The following ARMC3 variants were observed in gnomAD, a reference collection of about 807,000 sequenced individuals.
ARMC3 encodes armadillo repeat-containing protein 3.
In ARMC3, 74 loss-of-function variants were observed where a neutral mutation model predicts 90.3. That is an observed-to-expected ratio of 0.82 (90% CI 0.68 to 0.99). The LOEUF is 0.99. Ranked by LOEUF, ARMC3 falls within the 50% of genes least tolerant of loss-of-function variation. The pLI is 0.00. For synonymous variants in ARMC3, 334 were observed against 361.8 expected (o/e 0.92, Z 0.87); for missense variants, 958 against 1,042.8 (o/e 0.92, Z 1.12).
intron 18 of ARMC3, among the ~76,000 whole-genome samples, chr10:23,034,143 C>T (rs555991018): frequency 6.6e-6 from 1 of 152,008 alleles, no homozygotes; most frequent in Non-Finnish European, 1.5e-5. Flanking sequence ...ATTCCCTTTC[C>T]TATTCCCTTG....
chr10:23,002,062 G>T lies in ARMC3; in HGVS notation c.1562+7G>T, dbSNP rs764117572. The T allele has an allele frequency of 1.1e-5, 18 of 1,612,414 alleles. No individual in the cohort carries two copies. Among genetic ancestry groups the T allele is most frequent in the Non-Finnish European group, 1.5e-5 (18 of 1,179,336 alleles). ...ATGAATTATGCAGGCTCGGGTGAGT[G>T]GATGCCATCTCAAGTTTCTGGCTCA... On this transcript the variant is annotated splice_region_variant and intron_variant, in intron 12 of 18. Coordinates refer to ENST00000298032, the MANE Select transcript of ARMC3 (RefSeq NM_173081.5).
chr10:23,007,099 C>T (rs1208553001), intron 14 of ARMC3, 118 bp downstream of exon 14: 1 of 787,882 alleles, frequency 1.3e-6, no homozygotes, highest in Non-Finnish European at 2.0e-6. Context: ...TATCTAGCAC[C>T]TCCATGAAAA....
intron 2 of ARMC3, among the ~76,000 whole-genome samples, chr10:22,936,176 G>A (rs1181524647): frequency 6.6e-6 from 1 of 152,106 alleles, no homozygotes; most frequent in Admixed American, 6.6e-5. Flanking sequence ...AGTTTTAAAG[G>A]CCAGGGGCAG....
intron 16 of ARMC3, among the ~76,000 whole-genome samples, chr10:23,011,390 G>A (rs1490848690): frequency 1.3e-5 from 2 of 152,142 alleles, no homozygotes; most frequent in Non-Finnish European, 2.9e-5. Context: ...TAGTGCTGTT[G>A]TAAGCCTCAA....
chr10:22,987,606 A>T (rs985525787), intron 10 of ARMC3, among the ~76,000 whole-genome samples: 1 of 152,224 alleles, frequency 6.6e-6, no homozygotes, highest in East Asian at 1.9e-4. Flanking sequence ...TTATTTTAAT[A>T]ACTATAGAGA....
At chr10:22,988,190 T>C (rs1023743487) in intron 10 of ARMC3, among the ~76,000 whole-genome samples, 2 of 152,254 alleles carry the variant, frequency 1.3e-5, no homozygotes, top group Non-Finnish European at 2.9e-5. Flanking sequence ...TTTTAATACT[T>C]ATTAGAATTA....
At chr10:22,943,457 A>AT (rs892260915) in intron 2 of ARMC3, among the ~76,000 whole-genome samples, 5 of 151,880 alleles carry the variant, frequency 3.3e-5, no homozygotes, top group South Asian at 2.1e-4. Context: ...TTTAACCTGC[A>AT]TTTTTTTCTA....
At chr10:23,009,346 G>A (rs377414832) in intron 16 of ARMC3, among the ~76,000 whole-genome samples, 7 of 152,082 alleles carry the variant, frequency 4.6e-5, no homozygotes, top group South Asian at 2.1e-4. Flanking sequence ...CTCTCCTCCC[G>A]CCCCACTTTT....
intron 16 of ARMC3, among the ~76,000 whole-genome samples, chr10:23,023,708 G>A (rs1308425950): frequency 6.6e-6 from 1 of 152,050 alleles, no homozygotes; most frequent in African/African-American, 2.4e-5. Context: ...GAAATAAAAA[G>A]TCTCACTGGA....
chr10:22,948,103 A>C (rs1200482333), intron 3 of ARMC3, among the ~76,000 whole-genome samples: 1 of 152,222 alleles, frequency 6.6e-6, no homozygotes, highest in Non-Finnish European at 1.5e-5. Flanking sequence ...ATGAGAGAAC[A>C]ACAAATCATT....
At position 23,030,774 on chromosome 10, in the gene ARMC3, G is replaced by A; in HGVS notation, c.2224G>A (p.Glu742Lys). 1 of 1,613,500 alleles carries A rather than the reference G, an allele frequency of 6.2e-7. No individual in the cohort carries two copies. The highest frequency in any genetic ancestry group is 8.5e-7 in the Non-Finnish European group (1 of 1,179,670). Residue 742 changes from glutamate (E) to lysine (K), a missense_variant, in exon 17 of 19, where the codon GAA becomes AAA. Coordinates refer to ENST00000298032, the MANE Select transcript of ARMC3 (RefSeq NM_173081.5). ...KSILPITNIK[E>K]QIEDLAKYVA... is the part of the protein sequence containing the mutation. ...AATACTGCCAATAACCAATATTAAG[G>A]AACAGATTGAGGATCTGGCAAAGTA...
chr10:23,019,597 G>A (rs760145914), intron 16 of ARMC3, among the ~76,000 whole-genome samples: 8 of 152,094 alleles, frequency 5.3e-5, no homozygotes, highest in Non-Finnish European at 1.2e-4. Flanking sequence ...AGGCTGGAGT[G>A]CAGTGGTGTG....
At chr10:22,952,137 AAAAC>A (rs1370911948) in intron 3 of ARMC3, among the ~76,000 whole-genome samples, 1 of 152,130 alleles carries the variant, frequency 6.6e-6, no homozygotes, top group African/African-American at 2.4e-5. Flanking sequence ...ACAAAAACAA[AAAAC>A]AAACAAAAAA....
At chr10:22,982,665 A>G (rs1406567666) in intron 10 of ARMC3, among the ~76,000 whole-genome samples, 1 of 152,232 alleles carries the variant, frequency 6.6e-6, no homozygotes. Context: ...AGACTGCCTT[A>G]TAAGACAGTA....
intron 3 of ARMC3, among the ~76,000 whole-genome samples, chr10:22,947,656 T>C (rs914527618): frequency 6.6e-6 from 1 of 152,170 alleles, no homozygotes; most frequent in African/African-American, 2.4e-5. Flanking sequence ...AACTAAGTAC[T>C]TTTGTTAATA....
chr10:22,943,551 T>G (rs544423762), intron 2 of ARMC3, among the ~76,000 whole-genome samples: 6 of 152,092 alleles, frequency 3.9e-5, no homozygotes, highest in Non-Finnish European at 7.4e-5. Context: ...TTTACCTGTT[T>G]TGTTGAAAAA....
At chr10:22,984,592 A>G (rs1836330258) in intron 10 of ARMC3, among the ~76,000 whole-genome samples, 1 of 152,140 alleles carries the variant, frequency 6.6e-6, no homozygotes, top group Admixed American at 6.5e-5. Flanking sequence ...AAACACACTC[A>G]AATATAATAA....
intron 10 of ARMC3, among the ~76,000 whole-genome samples, chr10:22,984,974 G>A (rs1836350084): frequency 6.7e-6 from 1 of 150,298 alleles, no homozygotes; most frequent in Non-Finnish European, 1.5e-5. Context: ...CTGAGCTCAA[G>A]CGATCCTCCT....
At chr10:22,997,130 C>G (rs1265463949) in intron 10 of ARMC3, 1 of 152,166 alleles carries the variant, frequency 6.6e-6, no homozygotes, top group Non-Finnish European at 1.5e-5. Flanking sequence ...TGGAACATCT[C>G]CTATTTATAG....
Sources: gnomAD v4.1 joint callset for allele counts (sites outside exome capture counted in the v4.1 genomes callset) on GRCh38, gnomAD v4.1.1 for gene constraint, MANE v1.5 for transcripts, NCBI Gene and HGNC (gene_info 2026-07-23, HGNC 2026-07-21) for gene names.